Variants in SCHIP1 observed in about 807,000 individuals in gnomAD.
SCHIP1 encodes schwannomin-interacting protein 1.
Under a neutral mutation model 29.7 loss-of-function variants are expected in SCHIP1, and 8 were observed. The ratio of observed to expected loss-of-function variants is 0.27; its 90% confidence interval spans 0.16 to 0.49. The LOEUF is 0.49. Among genes scored for constraint, SCHIP1 ranks in the 20% least tolerant of loss-of-function variants. SCHIP1 has a pLI of 0.99. For synonymous variants in SCHIP1, 76 were observed against 94.9 expected (o/e 0.80, Z 1.16); for missense variants, 193 against 294.6 (o/e 0.66, Z 2.52).
the SCHIP1 span, among the ~76,000 whole-genome samples, chr3:159,784,252 G>A: frequency 6.6e-6 from 1 of 152,216 alleles, no homozygotes; most frequent in Non-Finnish European, 1.5e-5. Flanking sequence ...ATGTCATCCC[G>A]TTGAGCAAGT....
chr3:159,796,134 T>C, the SCHIP1 span, among the ~76,000 whole-genome samples: 2 of 152,050 alleles, frequency 1.3e-5, no homozygotes, highest in African/African-American at 4.8e-5. Flanking sequence ...CCACTGCAGG[T>C]CAGATAGATC....
chr3:159,668,958 T>C, the SCHIP1 span, among the ~76,000 whole-genome samples: 1 of 152,282 alleles, frequency 6.6e-6, no homozygotes, highest in South Asian at 2.1e-4. Flanking sequence ...CAATTTCCAT[T>C]TGAAGCAATG....
chr3:159,621,065 T>C, the SCHIP1 span, among the ~76,000 whole-genome samples: 1 of 152,238 alleles, frequency 6.6e-6, no homozygotes, highest in South Asian at 2.1e-4. Context: ...CTGAGTCATC[T>C]ATTACTCACT....
At chr3:159,697,186 G>A in the SCHIP1 span, among the ~76,000 whole-genome samples, 1 of 152,154 alleles carries the variant, frequency 6.6e-6, no homozygotes, top group Non-Finnish European at 1.5e-5. Context: ...CAGAAATGTA[G>A]ACAAACTTTA....
At chr3:159,804,682 A>G in the SCHIP1 span, among the ~76,000 whole-genome samples, 4 of 152,250 alleles carry the variant, frequency 2.6e-5, no homozygotes, top group Non-Finnish European at 5.9e-5. Context: ...GCCTTCAGTC[A>G]GATGAAAATC....
At chr3:159,456,306 A>G in the SCHIP1 span, among the ~76,000 whole-genome samples, 1 of 147,666 alleles carries the variant, frequency 6.8e-6, no homozygotes, top group East Asian at 2.0e-4. Flanking sequence ...TCTTTTCTCT[A>G]TGTTGAGGGA....
the SCHIP1 span, among the ~76,000 whole-genome samples, chr3:159,671,517 C>A: frequency 2.0e-5 from 3 of 152,264 alleles, no homozygotes; most frequent in South Asian, 6.2e-4. Context: ...CAAGAGTGCA[C>A]TCAATAAAGA....
At chr3:159,889,433 A>G (rs1272862109) in intron 5 of SCHIP1, among the ~76,000 whole-genome samples, 1 of 152,228 alleles carries the variant, frequency 6.6e-6, no homozygotes, top group Non-Finnish European at 1.5e-5. Flanking sequence ...CCCAGAATAA[A>G]GAAAGACCTC....
the SCHIP1 span, among the ~76,000 whole-genome samples, chr3:159,826,067 G>C: frequency 6.6e-6 from 1 of 152,192 alleles, no homozygotes. Flanking sequence ...AACAGCATTA[G>C]AGATTTAGGA....
At chr3:159,349,343 T>C in the SCHIP1 span, among the ~76,000 whole-genome samples, 3 of 152,236 alleles carry the variant, frequency 2.0e-5, no homozygotes, top group Non-Finnish European at 4.4e-5. Flanking sequence ...ATAAGCTAAC[T>C]CTTTATACAT....
the SCHIP1 span, among the ~76,000 whole-genome samples, chr3:159,284,300 T>A: frequency 6.6e-6 from 1 of 152,202 alleles, no homozygotes; most frequent in Non-Finnish European, 1.5e-5. Flanking sequence ...AGTGAATATC[T>A]TGAGATTAAC....
At chr3:159,713,228 GAAAGGAAGAA>G in the SCHIP1 span, among the ~76,000 whole-genome samples, 455 of 112,260 alleles carry the variant, frequency 4.1e-3, 2 homozygotes, top group African/African-American at 0.015. Context: ...GAGAGAGAAA[GAAAGGAAGAA>G]AGAAAGAAAG....
chr3:159,777,071 G>A, the SCHIP1 span, among the ~76,000 whole-genome samples: 1 of 152,156 alleles, frequency 6.6e-6, no homozygotes. Context: ...CAAGATCCAA[G>A]CCTGAGATGT....
chr3:159,337,305 C>T, the SCHIP1 span, among the ~76,000 whole-genome samples: 1 of 152,104 alleles, frequency 6.6e-6, no homozygotes, highest in African/African-American at 2.4e-5. Flanking sequence ...GATGCCCTCT[C>T]TCACCACTCC....
At chr3:159,507,993 G>A in the SCHIP1 span, among the ~76,000 whole-genome samples, 1 of 152,164 alleles carries the variant, frequency 6.6e-6, no homozygotes, top group Non-Finnish European at 1.5e-5. Context: ...AAATGAGTTA[G>A]GGAGGACTCC....
the SCHIP1 span, among the ~76,000 whole-genome samples, chr3:159,434,344 C>T: frequency 6.6e-6 from 1 of 152,036 alleles, no homozygotes; most frequent in Non-Finnish European, 1.5e-5. Flanking sequence ...GATGCTACTC[C>T]ATATCAATTA....
the SCHIP1 span, among the ~76,000 whole-genome samples, chr3:159,606,233 G>A: frequency 1.3e-5 from 2 of 151,954 alleles, no homozygotes; most frequent in African/African-American, 4.8e-5. Flanking sequence ...TTTTTACTTT[G>A]CCAAGCAAGA....
chr3:159,815,550 G>A, the SCHIP1 span, among the ~76,000 whole-genome samples: 1 of 152,178 alleles, frequency 6.6e-6, no homozygotes, highest in East Asian at 1.9e-4. Flanking sequence ...ATGCATTAGT[G>A]ATGTCGCCCA....
chr3:159,887,091 CAG>C (rs538094393), intron 3 of SCHIP1: 24 of 152,196 alleles, frequency 1.6e-4, no homozygotes, highest in Admixed American at 3.3e-4. Context: ...CAAACCATAT[CAG>C]AGAGAGAGAG....
Sources: gnomAD v4.1 joint callset for allele counts (sites outside exome capture counted in the v4.1 genomes callset) on GRCh38, gnomAD v4.1.1 for gene constraint, MANE v1.5 for transcripts, NCBI Gene and HGNC (gene_info 2026-07-23, HGNC 2026-07-21) for gene names.